Variants in MGAM2 observed in about 807,000 individuals in gnomAD.
MGAM2 encodes maltase-glucoamylase 2 (putative).
MGAM2 carries 98 observed loss-of-function variants against 96.1 expected under a neutral mutation model. The observed-to-expected ratio is 1.02, with a 90% CI of 0.87 to 1.21. The LOEUF is 1.21. MGAM2 is among the 50% of genes most tolerant of loss of function. The pLI is 0.00. For synonymous variants in MGAM2, 749 were observed against 414.8 expected, an observed-to-expected ratio of 1.81 and a Z score of -9.79; for missense variants, 2,055 against 1,182.4, an observed-to-expected ratio of 1.74 and a Z score of -10.82.
At chr7:142,131,843 T>G in intron 5 of MGAM2, 88 bp from the exon 6 acceptor site, 1 of 625,696 alleles carries the variant, frequency 1.6e-6, no homozygotes, top group Non-Finnish European at 2.9e-6. Flanking sequence ...TCTCATGGGG[T>G]GTCATTTGAG....
intron 46 of MGAM2, among the ~76,000 whole-genome samples, chr7:142,214,515 T>G (rs191091263): frequency 6.6e-6 from 1 of 151,556 alleles, no homozygotes; most frequent in East Asian, 1.9e-4. Context: ...ACACCAATAA[T>G]AGACAGCCAA....
chr7:142,181,431 A>T (rs991422514), intron 32 of MGAM2, among the ~76,000 whole-genome samples: 1 of 152,210 alleles, frequency 6.6e-6, no homozygotes, highest in African/African-American at 2.4e-5. Context: ...TAAGGGCCAG[A>T]AGATAGCCTC....
At chr7:142,118,418 T>C (rs1182389402) in intron 2 of MGAM2, among the ~76,000 whole-genome samples, 1 of 152,174 alleles carries the variant, frequency 6.6e-6, no homozygotes, top group Admixed American at 6.5e-5. Flanking sequence ...AAGATAGTGA[T>C]AGTGAATATA....
intron 46 of MGAM2, among the ~76,000 whole-genome samples, chr7:142,213,445 AAGAG>A (rs1264686877): frequency 6.6e-6 from 1 of 152,224 alleles, no homozygotes; most frequent in African/African-American, 2.4e-5. Context: ...TAAAGAAAAA[AAGAG>A]AGAAGAATCA....
rs1396874248 is a variant in MGAM2, at chr7:142,172,761, A to G, written c.3558A>G (p.Thr1186=). Reference sequence around the variant, plus strand: ...CTGAACTTGTAACTCAGCAATACACAGAGGTTAGAAGCCATTCTGTCCATC... The same window carrying G: ...CTGAACTTGTAACTCAGCAATACACGGAGGTTAGAAGCCATTCTGTCCATC... The part of the protein sequence containing the change: ...PTPELVTQQY[T]ELIGRPAMIP... Residue 1186 remains threonine (T), a synonymous_variant, in exon 30 of 48, where the codon ACA becomes ACG. Coordinates refer to ENST00000477922, the MANE Select transcript of MGAM2 (RefSeq NM_001293626.2). 1 of 697,578 alleles carries G rather than the reference A, an allele frequency of 1.4e-6. No homozygotes were observed. Among genetic ancestry groups the G allele is most frequent in the Non-Finnish European group, 2.6e-6 (1 of 383,544 alleles). 43.2% of individuals were successfully genotyped at this position (697,578 alleles called of 1,614,324 possible). A position where few individuals can be genotyped will look rare whatever the true frequency, so the allele number is the denominator to read the frequency against.
chr7:142,171,327 A>G lies in MGAM2; in HGVS notation c.3238A>G (p.Thr1080Ala). ...CAATGACATGTTTCTCTCCATTTCT[A>G]CGCGTCTGCCGTCCCAGTACATCTA... ...IFNDMFLSIS[T>A]RLPSQYIYGF... The change falls in exon 28 of 48, where the codon ACG (threonine) becomes GCG (alanine). Residue 1080 changes from threonine (T) to alanine (A), a missense_variant. Transcript: ENST00000477922. 1 of 702,870 alleles carries G rather than the reference A, an allele frequency of 1.4e-6. No homozygotes were observed. The allele number at this position is 702,870 out of a possible 1,614,324, so 43.5% of individuals were successfully genotyped here.
chr7:142,220,534 C>T lies in MGAM2; in HGVS notation c.6023C>T (p.Thr2008Ile), dbSNP rs542850511. ...ACAACTGCTCCTTTCCCTACAAGTACTACTAGTGCTAGCACTAATGCTACC... is the reference window on the plus strand; with the variant it reads ...ACAACTGCTCCTTTCCCTACAAGTATTACTAGTGCTAGCACTAATGCTACC... The part of the protein sequence containing the change: ...PDTTAPFPTS[T>I]TSASTNATPV... Residue 2008 changes from threonine (T) to isoleucine (I), a missense_variant, in exon 48 of 48, where the codon ACT becomes ATT. By Grantham distance (89) the Thr-to-Ile change is moderately conservative (BLOSUM62 -1). Transcript: ENST00000477922. The T allele has an allele frequency of 1.6e-5, 11 of 702,450 alleles. No homozygotes were observed. Among genetic ancestry groups the T allele is most frequent in the Non-Finnish European group, 1.6e-5 (6 of 384,864 alleles). The allele number at this position is 702,450 out of a possible 1,614,324, so 43.5% of individuals were successfully genotyped here.
Position 142,172,638 on chromosome 7 carries a change from T to A in MGAM2, c.3449-14T>A. On this transcript the variant is annotated splice_polypyrimidine_tract_variant and intron_variant, in intron 29 of 47. Transcript: ENST00000477922. ...CTCCAAGGATGTGCCTCATGTGTGT[T>A]GTTTTTCTTACAGATGTGACATTAC... is the stretch of plus-strand genomic sequence containing the variant. 2 of 691,306 alleles carry A rather than the reference T, an allele frequency of 2.9e-6. No individual in the cohort carries two copies. Among genetic ancestry groups the A allele is most frequent in the East Asian group, 5.4e-5 (2 of 37,218 alleles). The allele number at this position is 691,306 out of a possible 1,614,324, so 42.8% of individuals were successfully genotyped here. A position where few individuals can be genotyped will look rare whatever the true frequency, so the allele number is the denominator to read the frequency against.
chr7:142,120,598 C>A (rs1014827004), intron 3 of MGAM2, among the ~76,000 whole-genome samples: 4 of 152,066 alleles, frequency 2.6e-5, no homozygotes, highest in African/African-American at 4.8e-5. Flanking sequence ...GAATGTTAAT[C>A]TGTGGATTAT....
At chr7:142,195,828 T>A (rs1797016415) in intron 37 of MGAM2, among the ~76,000 whole-genome samples, 1 of 152,088 alleles carries the variant, frequency 6.6e-6, no homozygotes, top group Admixed American at 6.5e-5. Context: ...CATAGGAAAG[T>A]GACCGGTATA....
rs1412651857 is a variant in MGAM2, at chr7:142,220,974, A to G, written c.6463A>G (p.Ser2155Gly). The change falls in exon 48 of 48, where the codon AGT becomes GGT. Residue 2155 changes from serine (S) to glycine (G), a missense_variant. Ser to Gly is a moderately conservative substitution (Grantham distance 56). Transcript: ENST00000477922. ...VQTNTTNAST[S>G]TNVANITATS... is the part of the protein sequence containing the mutation. ...AACAAATACTACTAATGCTAGCACTAGTACTAATGTTGCTAATATAACTGC... is the reference window on the plus strand; with the variant it reads ...AACAAATACTACTAATGCTAGCACTGGTACTAATGTTGCTAATATAACTGC... 4.3e-6 allele frequency: 3 copies of G among 701,994 alleles called. No homozygotes were observed. In the African/African-American group the frequency reaches 5.2e-5, roughly 12 times the overall value. 43.5% of individuals were successfully genotyped at this position (701,994 alleles called of 1,614,324 possible).
intron 46 of MGAM2, among the ~76,000 whole-genome samples, chr7:142,211,379 A>C (rs1797577631): frequency 6.6e-6 from 1 of 152,206 alleles, no homozygotes. Flanking sequence ...GAAGGTGGGT[A>C]ATAACAAGCT....
intron 15 of MGAM2, 87 bp downstream of exon 15, chr7:142,147,660 ATTG>A: frequency 1.7e-6 from 1 of 582,098 alleles, no homozygotes; most frequent in African/African-American, 1.9e-5. Context: ...TATGTAATAT[ATTG>A]TTCAAATATT....
intron 6 of MGAM2, among the ~76,000 whole-genome samples, chr7:142,132,699 A>G (rs1228656624): frequency 1.6e-5 from 2 of 126,392 alleles, no homozygotes; most frequent in Non-Finnish European, 3.1e-5. Context: ...TAATAATATT[A>G]ATTAATATAA....
intron 45 of MGAM2, among the ~76,000 whole-genome samples, chr7:142,200,782 C>T (rs984866639): frequency 6.6e-6 from 1 of 152,046 alleles, no homozygotes; most frequent in African/African-American, 2.4e-5. Flanking sequence ...TTCTTTACAA[C>T]ACATGTTAAA....
intron 46 of MGAM2, among the ~76,000 whole-genome samples, chr7:142,216,529 G>T (rs1383113952): frequency 6.6e-6 from 1 of 152,090 alleles, no homozygotes; most frequent in African/African-American, 2.4e-5. Flanking sequence ...TATTATCAGC[G>T]GTTTCCTGGT....
At position 142,171,411 on chromosome 7, in the gene MGAM2, G is replaced by C. The variant is rs1796180811; in HGVS notation, c.3322G>C (p.Gly1108Arg). ...FRRNMNWNTW[G>R]MFAHDEPPAY... ...AAGAAACATGAACTGGAACACATGG[G>C]GAATGTTTGCTCATGATGAGCCACC... Residue 1108 changes from glycine (G) to arginine (R), a missense_variant, in exon 28 of 48, where the codon GGA becomes CGA. By Grantham distance (125) the Gly-to-Arg change is moderately radical (BLOSUM62 -2). Coordinates refer to ENST00000477922, the MANE Select transcript of MGAM2 (RefSeq NM_001293626.2). 4 of 703,042 alleles carry C rather than the reference G, an allele frequency of 5.7e-6. No homozygotes were observed. In the East Asian group the frequency reaches 1.1e-4, roughly 19 times the overall value. 43.6% of individuals were successfully genotyped at this position (703,042 alleles called of 1,614,324 possible).
rs1226032909 is a variant in MGAM2, at chr7:142,154,140, G to A, written c.1757G>A (p.Arg586Gln). Residue 586 changes from arginine (R) to glutamine (Q), a missense_variant, in exon 16 of 48, where the codon CGA (arginine) becomes CAA (glutamine). Physicochemically the swap from Arg to Gln is conservative, Grantham distance 43 (BLOSUM62 1). Coordinates refer to ENST00000477922, the MANE Select transcript of MGAM2 (RefSeq NM_001293626.2). ...GDNAATWDDL[R>Q]WSIPTILEFN... ...AATGCGGCCACATGGGATGACCTCCGATGGTCTATCCCCACTATCCTTGAG... is the reference window on the plus strand; with the variant it reads ...AATGCGGCCACATGGGATGACCTCCAATGGTCTATCCCCACTATCCTTGAG... 4.4e-6 allele frequency: 3 copies of A among 683,528 alleles called. No individual in the cohort carries two copies. Among genetic ancestry groups the A allele is most frequent in the African/African-American group, 1.8e-5 (1 of 57,064 alleles). The allele number at this position is 683,528 out of a possible 1,614,324, so 42.3% of individuals were successfully genotyped here.
At chr7:142,185,296 T>A (rs910755515) in intron 34 of MGAM2, among the ~76,000 whole-genome samples, 157 bp downstream of exon 34, 1 of 152,156 alleles carries the variant, frequency 6.6e-6, no homozygotes, top group Admixed American at 6.5e-5. Flanking sequence ...GATCCTCGAG[T>A]GGAAAGCTCA....
Sources: gnomAD v4.1 joint callset for allele counts (sites outside exome capture counted in the v4.1 genomes callset) on GRCh38, gnomAD v4.1.1 for gene constraint, MANE v1.5 for transcripts, NCBI Gene and HGNC (gene_info 2026-07-23, HGNC 2026-07-21) for gene names.